ERMN: variants seen among roughly 807,000 people sequenced by gnomAD.
ERMN encodes the protein ermin, ERM-like protein.
A neutral mutation model predicts 21.4 loss-of-function variants in ERMN; 17 were observed. The ratio of observed to expected loss-of-function variants is 0.80; its 90% CI spans 0.54 to 1.19. The LOEUF is 1.19. Among genes scored for constraint, ERMN ranks in the 50% most tolerant of loss-of-function variants. ERMN has a pLI of 0.00. For synonymous variants in ERMN, 115 were observed against 111.9 expected (o/e 1.03, Z -0.17); for missense variants, 348 against 331.6 (o/e 1.05, Z -0.38).
At chr2:157,322,358 C>T (rs1178570862) in intron 2 of ERMN, among the ~76,000 whole-genome samples, 1 of 152,050 alleles carries the variant, frequency 6.6e-6, no homozygotes, top group Admixed American at 6.5e-5. Context: ...TGTCTGGTCA[C>T]TTTTCAAACA....
In ERMN at chr2:157,325,669, A is replaced by C. The variant is rs1413581733; in HGVS notation, c.-27T>G. The C allele has an allele frequency of 2.4e-5, 38 of 1,613,780 alleles. No individual in the cohort carries two copies. The highest frequency in any genetic ancestry group is 2.9e-5 in the Non-Finnish European group (34 of 1,179,786). Reference sequence around the variant, plus strand: ...ATGTGCGGTTGAATCCGATCTGGAGAGAGAGCTTTAGGGAAACTGAGTGAG... The same window carrying C: ...ATGTGCGGTTGAATCCGATCTGGAGCGAGAGCTTTAGGGAAACTGAGTGAG... On this transcript the variant is annotated 5_prime_UTR_variant, in exon 1 of 3. Transcript: ENST00000410096.
intron 1 of ERMN, 105 bp downstream of exon 1, chr2:157,325,297 A>T: frequency 1.4e-6 from 2 of 1,455,342 alleles, no homozygotes; most frequent in Non-Finnish European, 1.9e-6. Flanking sequence ...ATAAAGGGCT[A>T]CATTTTTGGG....
intron 1 of ERMN, 120 bp downstream of exon 1, chr2:157,325,282 G>C (rs16841620): frequency 0.013 from 17,627 of 1,307,816 alleles, 206 homozygotes; most frequent in East Asian, 0.052. Flanking sequence ...ACTATGCGTA[G>C]TAGAATAAAG....
At position 157,325,512 on chromosome 2, in the gene ERMN, C is replaced by T; in HGVS notation, c.131G>A (p.Arg44Lys). The change falls in exon 1 of 3, where the codon AGG (arginine) becomes AAG (lysine). Residue 44 changes from arginine to lysine, a missense_variant. Physicochemically the swap from Arg to Lys is conservative, Grantham distance 26. Transcript: ENST00000410096. Reference sequence around the variant, plus strand: ...TGCACCTTCCAGACTGGGTTCTACCCTGTAGTGTGGCAGGGGGCTGTCCAC... The same window carrying T: ...TGCACCTTCCAGACTGGGTTCTACCTTGTAGTGTGGCAGGGGGCTGTCCAC... The part of the protein sequence containing the change: ...TDVDSPLPHY[R>K]VEPSLEGALT... The T allele has an allele frequency of 1.2e-6, 2 of 1,614,150 alleles. No individual in the cohort carries two copies. Among genetic ancestry groups the T allele is most frequent in the Non-Finnish European group, 1.7e-6 (2 of 1,180,036 alleles).
chr2:157,320,754 A>G lies in ERMN; in HGVS notation c.*517T>C, dbSNP rs754437072. On this transcript the variant is annotated 3_prime_UTR_variant, in exon 3 of 3. Transcript: ENST00000410096. ...TAGATGCCAAGGAAAGCCACTTAAC[A>G]TATTGTTTGGTGATAATAGAAAAGG... The G allele has an allele frequency of 1.3e-5, 2 of 153,564 alleles. No individual in the cohort carries two copies. The highest frequency in any genetic ancestry group is 2.9e-5 in the Non-Finnish European group (2 of 69,014). The allele number at this position is 153,564 out of a possible 1,614,324, so 9.5% of individuals were successfully genotyped here.
At position 157,319,937 on chromosome 2, in the gene ERMN, T is replaced by C. The variant is rs1475017952; in HGVS notation, c.*1334A>G. 6.6e-6 allele frequency: 1 copy of C among 152,040 alleles called. No individual in the cohort carries two copies. The highest frequency in any genetic ancestry group is 2.4e-5 in the African/African-American group (1 of 41,410). 9.4% of individuals were successfully genotyped at this position (152,040 alleles called of 1,614,324 possible). ...GACTAACATGGAGTTTTTCACAAAA[T>C]GAAAAAGAAAGAAACAAAGGGTTGA... On this transcript the variant is annotated 3_prime_UTR_variant, in exon 3 of 3. Coordinates refer to ENST00000410096, the MANE Select transcript of ERMN (RefSeq NM_020711.3).
chr2:157,321,816 G>A (rs1558913452), intron 2 of ERMN, 25 bp from the exon 3 acceptor site: 4 of 1,543,122 alleles, frequency 2.6e-6, no homozygotes, highest in Middle Eastern at 1.7e-4. Flanking sequence ...ATTGGTAGAT[G>A]AGATGTGTAG....
rs1683815228 is a variant in ERMN at position 157,319,432 on chromosome 2, A to G, written c.*1839T>C. The G allele has an allele frequency of 6.6e-6, 1 of 152,140 alleles. No homozygotes were observed. The highest frequency in any genetic ancestry group is 6.5e-5 in the Admixed American group (1 of 15,268). 9.4% of individuals were successfully genotyped at this position (152,140 alleles called of 1,614,324 possible). A position where few individuals can be genotyped will look rare whatever the true frequency, so the allele number is the denominator to read the frequency against. ...CATCATCTCTGTTGGAATAACTCAAAATACAGGCTCTTGATGGTAGGTTAA... is the reference window on the plus strand; with the variant it reads ...CATCATCTCTGTTGGAATAACTCAAGATACAGGCTCTTGATGGTAGGTTAA... On this transcript the variant is annotated 3_prime_UTR_variant, in exon 3 of 3. Transcript: ENST00000410096.
chr2:157,327,559 C>A, upstream of ERMN: 1 of 745,056 alleles, frequency 1.3e-6, no homozygotes, highest in South Asian at 1.4e-5. Flanking sequence ...TTAAGGAGTT[C>A]AGCTAGTAAG....
In ERMN at chr2:157,319,800, A is replaced by C. The variant is rs1158814594; in HGVS notation, c.*1471T>G. On this transcript the variant is annotated 3_prime_UTR_variant, in exon 3 of 3. Coordinates refer to ENST00000410096, the MANE Select transcript of ERMN (RefSeq NM_020711.3). ...AAATTGGAGTCTTGTAAACAACTAA[A>C]TAATAGTATGTGATACTATGGAAAT... 1 of 152,186 alleles carries C rather than the reference A, an allele frequency of 6.6e-6. No homozygotes were observed. The highest frequency in any genetic ancestry group is 1.5e-5 in the Non-Finnish European group (1 of 68,024). 9.4% of individuals were successfully genotyped at this position (152,186 alleles called of 1,614,324 possible).
Position 157,324,693 on chromosome 2 carries a change from G to T in ERMN, c.311C>A (p.Ala104Asp). 6.2e-7 allele frequency: 1 copy of T among 1,612,938 alleles called. No individual in the cohort carries two copies. Among genetic ancestry groups the T allele is most frequent in the Non-Finnish European group, 8.5e-7 (1 of 1,179,256 alleles). ...ACCTTCTCTGAATGTCATTTCATCA[G>T]CACTAGTTTCTTGGAGAGAAAGATC... is the stretch of plus-strand genomic sequence containing the variant. The part of the protein sequence containing the change: ...ITDLSLQETS[A>D]DEMTFREGHQ... Residue 104 changes from alanine (A) to aspartate (D), a missense_variant, in exon 2 of 3, where the codon GCT becomes GAT. By Grantham distance (126) the Ala-to-Asp change is moderately radical. Transcript: ENST00000410096.
intron 2 of ERMN, among the ~76,000 whole-genome samples, chr2:157,322,853 TA>T (rs756571287): frequency 7.2e-5 from 11 of 152,202 alleles, no homozygotes; most frequent in Non-Finnish European, 1.0e-4. Flanking sequence ...ATGTTTGCCA[TA>T]ATCTTATGCT....
intron 2 of ERMN, among the ~76,000 whole-genome samples, chr2:157,323,423 A>C (rs1683967540): frequency 6.6e-6 from 1 of 152,234 alleles, no homozygotes; most frequent in African/African-American, 2.4e-5. Context: ...ATTGCTTGCT[A>C]CATATTTCCT....
chr2:157,320,821 A>G lies in ERMN; in HGVS notation c.*450T>C, dbSNP rs1683869441. ...GCTTATTGCCAGAGTCTGCAAAATC[A>G]AGTTTAAAAGTAAGAGAGGTTTTAA... On this transcript the variant is annotated 3_prime_UTR_variant, in exon 3 of 3. Coordinates refer to ENST00000410096, the MANE Select transcript of ERMN (RefSeq NM_020711.3). 6.5e-6 allele frequency: 1 copy of G among 154,614 alleles called. No individual in the cohort carries two copies. The allele number at this position is 154,614 out of a possible 1,614,324, so 9.6% of individuals were successfully genotyped here. A position where few individuals can be genotyped will look rare whatever the true frequency, so the allele number is the denominator to read the frequency against.
chr2:157,321,281 A>T lies in ERMN; in HGVS notation c.845T>A (p.Met282Lys). ...KQRIDEFESMMHL is the reference protein window; with the variant it reads ...KQRIDEFESMKHL ...TCAGTTCCAGTTAGTTTATAAATGC[A>T]TCATAGACTCGAATTCATCAATTCT... Residue 282 changes from methionine to lysine, a missense_variant, in exon 3 of 3, where the codon ATG becomes AAG. Transcript: ENST00000410096. 6.2e-7 allele frequency: 1 copy of T among 1,612,912 alleles called. No homozygotes were observed. The highest frequency in any genetic ancestry group is 2.2e-5 in the East Asian group (1 of 44,850).
chr2:157,321,473 T>C lies in ERMN; in HGVS notation c.653A>G (p.Glu218Gly). 6.2e-7 allele frequency: 1 copy of C among 1,614,138 alleles called. No homozygotes were observed. Residue 218 changes from glutamate (E) to glycine (G), a missense_variant, in exon 3 of 3, where the codon GAG (glutamate) becomes GGG (glycine). Glu to Gly is a moderately conservative substitution (Grantham distance 98). Transcript: ENST00000410096. ...KKHEEVSQFKEEGDASEDSPL... is the reference protein window; with the variant it reads ...KKHEEVSQFKGEGDASEDSPL... ...GGAGTCCTCACTTGCATCACCTTCC[T>C]CTTTAAATTGAGAAACCTCTTCATG...
At chr2:157,327,486 C>T, upstream of ERMN, 1 of 780,236 alleles carries the variant, frequency 1.3e-6, no homozygotes, top group Non-Finnish European at 2.4e-6. Flanking sequence ...TCATAACAGT[C>T]TTCTGAGGTA....
At chr2:157,324,621 C>T in intron 2 of ERMN, 49 bp downstream of exon 2, 1 of 1,389,832 alleles carries the variant, frequency 7.2e-7, no homozygotes, top group Non-Finnish European at 1.0e-6. Context: ...AGACTGTCAT[C>T]CATACTCAGT....
chr2:157,325,501 T>A lies in ERMN; in HGVS notation c.142A>T (p.Ser48Cys). 1 of 1,614,226 alleles carries A rather than the reference T, an allele frequency of 6.2e-7. No individual in the cohort carries two copies. Among genetic ancestry groups the A allele is most frequent in the Non-Finnish European group, 8.5e-7 (1 of 1,180,036 alleles). ...CCTTTGGTGAGTGCACCTTCCAGAC[T>A]GGGTTCTACCCTGTAGTGTGGCAGG... ...SPLPHYRVEP[S>C]LEGALTKGSQ... The change falls in exon 1 of 3, where the codon AGT becomes TGT. Residue 48 changes from serine (S) to cysteine (C), a missense_variant. Physicochemically the swap from Ser to Cys is moderately radical, Grantham distance 112. Coordinates refer to ENST00000410096, the MANE Select transcript of ERMN (RefSeq NM_020711.3).
Sources: gnomAD v4.1 joint callset for allele counts (sites outside exome capture counted in the v4.1 genomes callset) on GRCh38, gnomAD v4.1.1 for gene constraint, MANE v1.5 for transcripts, NCBI Gene and HGNC (gene_info 2026-07-23, HGNC 2026-07-21) for gene names.